DNM3: variants seen among roughly 807,000 people sequenced by gnomAD.
DNM3 encodes the protein dynamin-3.
A neutral mutation model predicts 101.6 loss-of-function variants in DNM3; 47 were observed. That is an observed-to-expected ratio of 0.46 (90% CI 0.37 to 0.59). The LOEUF is 0.59. Among genes scored for constraint, DNM3 ranks in the 20% least tolerant of loss-of-function variants. The probability of loss-of-function intolerance (pLI) is 0.00; values close to 1 mark genes in which losing one functional copy is unlikely to be tolerated. For synonymous variants in DNM3, 385 were observed against 387.9 expected (o/e 0.99, Z 0.09); for missense variants, 849 against 1,085.7 (o/e 0.78, Z 3.06).
intron 14 of DNM3, among the ~76,000 whole-genome samples, chr1:172,150,005 G>C (rs768971425): frequency 6.6e-6 from 1 of 152,046 alleles, no homozygotes; most frequent in African/African-American, 2.4e-5. Flanking sequence ...GCATACTTGC[G>C]TAATACATAG....
At chr1:171,927,787 C>T (rs1328868455) in intron 2 of DNM3, among the ~76,000 whole-genome samples, 1 of 152,188 alleles carries the variant, frequency 6.6e-6, no homozygotes, top group Non-Finnish European at 1.5e-5. Flanking sequence ...TTGCCATCCT[C>T]CTGAATCTCA....
intron 13 of DNM3, among the ~76,000 whole-genome samples, chr1:172,125,889 A>G (rs888351128): frequency 2.6e-5 from 4 of 152,162 alleles, no homozygotes; most frequent in African/African-American, 9.7e-5. Context: ...AAGGGCTTCT[A>G]CCACTAATCC....
intron 1 of DNM3, among the ~76,000 whole-genome samples, chr1:171,887,854 G>GT (rs929857246): frequency 9.9e-5 from 15 of 151,572 alleles, no homozygotes; most frequent in African/African-American, 3.1e-4. Context: ...CATCTAATAT[G>GT]TTTTTTTTCC....
intron 1 of DNM3, among the ~76,000 whole-genome samples, chr1:171,850,867 G>A (rs1192790048): frequency 1.3e-5 from 2 of 151,608 alleles, no homozygotes; most frequent in Non-Finnish European, 2.9e-5. Context: ...GAAGGAGGAA[G>A]CAATGCTTTT....
rs116690460 is a variant in DNM3 at position 172,273,567 on chromosome 1, A to T, written c.1769+19885A>T. On this transcript the variant is annotated intron_variant, in intron 15 of 20. Coordinates refer to ENST00000627582, the MANE Select transcript of DNM3 (RefSeq NM_015569.5). ...GAGGTTAACAAAGATTATAGCAAGC[A>T]TAAACAAAAATAATTATTAAGGGTG... Among the ~76,000 whole-genome samples the T allele has an allele frequency of 4.7e-3, 722 of 152,234 alleles. 3 individuals carry two copies. Among genetic ancestry groups the T allele is most frequent in the African/African-American group, 0.016 (682 of 41,566 alleles).
intron 15 of DNM3, among the ~76,000 whole-genome samples, chr1:172,268,716 A>G (rs12085803): frequency 0.016 from 2,491 of 152,300 alleles, 70 homozygotes; most frequent in African/African-American, 0.056. Context: ...GAAAGACAAC[A>G]TAATTTCTTG....
chr1:171,942,335 T>G (rs16843595), intron 2 of DNM3, among the ~76,000 whole-genome samples: 15,228 of 151,640 alleles, frequency 0.1, 950 homozygotes, highest in East Asian at 0.33. Flanking sequence ...ATATGTTAAG[T>G]CCTAGTTATA....
intron 4 of DNM3, among the ~76,000 whole-genome samples, chr1:172,031,368 G>C (rs1211001820): frequency 1.3e-5 from 2 of 152,276 alleles, no homozygotes; most frequent in Middle Eastern, 3.4e-3. Flanking sequence ...CATGGACACA[G>C]GGAGGGGAAC....
intron 14 of DNM3, among the ~76,000 whole-genome samples, chr1:172,226,797 A>G (rs2061139220): frequency 6.6e-6 from 1 of 152,154 alleles, no homozygotes; most frequent in African/African-American, 2.4e-5. Flanking sequence ...TGCAAGTCAT[A>G]TTTCATATAT....
intron 15 of DNM3, among the ~76,000 whole-genome samples, chr1:172,262,889 A>G (rs1170084205): frequency 6.6e-6 from 1 of 152,090 alleles, no homozygotes; most frequent in Non-Finnish European, 1.5e-5. Flanking sequence ...TATTATTATT[A>G]TATTTTGTGG....
intron 1 of DNM3, among the ~76,000 whole-genome samples, chr1:171,842,151 G>A (rs894898741): frequency 2.0e-5 from 3 of 151,866 alleles, no homozygotes; most frequent in Admixed American, 6.5e-5. Flanking sequence ...CTCGGTGCGC[G>A]CCAGCCCCGG....
At position 172,387,245 on chromosome 1, in the gene DNM3, G is replaced by A. The variant is rs765590825; in HGVS notation, c.2171G>A (p.Arg724Gln). The change falls in exon 19 of 21, where the codon CGA becomes CAA. Residue 724 changes from arginine (R) to glutamine (Q), a missense_variant. Around this residue, in one of 5 missense-constraint regions of DNM3, gnomAD observed 256 missense variants for 311.7 expected, o/e 0.82. Transcript: ENST00000627582. ...GCTCAGCGCCGGGATGAGATGCTTC[G>A]AATGTATCAAGCACTGAAAGAAGCC... ...EQAQRRDEML[R>Q]MYQALKEALG... 4 of 1,613,936 alleles carry A rather than the reference G, an allele frequency of 2.5e-6. No individual in the cohort carries two copies. The highest frequency in any genetic ancestry group is 1.7e-5 in the Admixed American group (1 of 60,016).
At chr1:171,887,490 C>A (rs7550292) in intron 1 of DNM3, among the ~76,000 whole-genome samples, 62,656 of 152,020 alleles carry the variant, frequency 0.41, 13,076 homozygotes, top group Non-Finnish European at 0.43. Context: ...AAGCCAAATT[C>A]TTGGCCTGTT....
At chr1:172,186,289 T>C (rs1051984095) in intron 14 of DNM3, among the ~76,000 whole-genome samples, 1 of 151,810 alleles carries the variant, frequency 6.6e-6, no homozygotes, top group African/African-American at 2.4e-5. Flanking sequence ...TTCCAAGAAA[T>C]GTGGAGATAT....
chr1:171,971,685 A>G (rs2044003889), intron 2 of DNM3, among the ~76,000 whole-genome samples: 1 of 152,166 alleles, frequency 6.6e-6, no homozygotes, highest in Non-Finnish European at 1.5e-5. Flanking sequence ...AAGAAGCACA[A>G]TGTGTAATTG....
chr1:172,382,024 C>A (rs1163711982), intron 18 of DNM3, among the ~76,000 whole-genome samples: 1 of 152,090 alleles, frequency 6.6e-6, no homozygotes, highest in East Asian at 1.9e-4. Context: ...TGGGCAGTTT[C>A]CTTTGAAAGT....
chr1:172,064,449 T>G (rs1215042109), intron 10 of DNM3, among the ~76,000 whole-genome samples: 1 of 151,924 alleles, frequency 6.6e-6, no homozygotes, highest in Non-Finnish European at 1.5e-5. Context: ...GCAATCAAAG[T>G]TAAGTATGTT....
chr1:172,077,390 T>C (rs1014849963), intron 11 of DNM3, among the ~76,000 whole-genome samples: 12 of 152,224 alleles, frequency 7.9e-5, no homozygotes, highest in African/African-American at 2.9e-4. Flanking sequence ...CTCTTGTTCT[T>C]TTAATTGTGA....
At chr1:172,369,690 G>C (rs898400777) in intron 17 of DNM3, among the ~76,000 whole-genome samples, 2 of 151,856 alleles carry the variant, frequency 1.3e-5, no homozygotes, top group Admixed American at 6.6e-5. Flanking sequence ...ATATACATTA[G>C]ATTTCCAATA....
Sources: allele counts gnomAD v4.1 joint callset (sites outside exome capture counted in the v4.1 genomes callset), GRCh38; gene constraint gnomAD v4.1.1; regional missense constraint gnomAD v4.1.1; transcripts MANE v1.5; gene names NCBI Gene and HGNC (gene_info 2026-07-23, HGNC 2026-07-21).